The following CDH23 variants were observed in gnomAD, a reference collection of about 807,000 sequenced individuals.
CDH23 encodes cadherin related 23, also known as cadherin-23.
Under a neutral mutation model 317.1 loss-of-function variants are expected in CDH23, and 189 were observed. That is an observed-to-expected ratio of 0.60 (90% confidence interval 0.53 to 0.67). The LOEUF (loss-of-function observed/expected upper bound fraction) is 0.67, where lower values mean the gene tolerates loss of function less well. Ranked by LOEUF, CDH23 falls within the 30% of genes least tolerant of loss-of-function variation. CDH23 has a pLI of 0.00. For missense variants in CDH23, 4,401 were observed against 4,592.4 expected (o/e 0.96, Z 1.20); for synonymous variants, 1,839 against 1,876.8 (o/e 0.98, Z 0.52).
At chr10:71,650,705 T>G (rs929697278) in intron 14 of CDH23, among the ~76,000 whole-genome samples, 8 of 152,226 alleles carry the variant, frequency 5.3e-5, no homozygotes, top group African/African-American at 1.9e-4. Flanking sequence ...CTCCCCATCC[T>G]CTAGGCTGTG....
chr10:71,452,501 G>T (rs184266845), intron 3 of CDH23, among the ~76,000 whole-genome samples: 51 of 152,142 alleles, frequency 3.4e-4, no homozygotes, highest in Admixed American at 1.2e-3. Context: ...CTTGGCCAGG[G>T]GTGCCCTTTC....
At chr10:71,419,685 C>T (rs1423466798) in intron 1 of CDH23, among the ~76,000 whole-genome samples, 1 of 152,200 alleles carries the variant, frequency 6.6e-6, no homozygotes, top group Non-Finnish European at 1.5e-5. Flanking sequence ...CTATTCACTT[C>T]CCATCCTTCC....
chr10:71,734,730 C>CAG, intron 34 of CDH23, 72 bp downstream of exon 34: 1 of 997,850 alleles, frequency 1.0e-6, no homozygotes, highest in Non-Finnish European at 1.5e-6. Flanking sequence ...TCTGCCTGGC[C>CAG]CTGGACCTTC....
intron 19 of CDH23, among the ~76,000 whole-genome samples, chr10:71,689,178 A>AGCCAGAGATGGTGGAGCCAGGGGTGGTG (rs1564734231): frequency 3.3e-5 from 1 of 30,546 alleles, no homozygotes; most frequent in Non-Finnish European, 6.5e-5. Flanking sequence ...CAGGGGTGGT[A>AGCCAGAGATGGTGGAGCCAGGGGTGGTG]GAGTCAGGGG....
Position 71,799,558 on chromosome 10 carries a change from T to G in CDH23, c.7291T>G (p.Ser2431Ala). The G allele has an allele frequency of 6.2e-7, 1 of 1,614,072 alleles. No individual in the cohort carries two copies. Among genetic ancestry groups the G allele is most frequent in the Non-Finnish European group, 8.5e-7 (1 of 1,179,902 alleles). The part of the protein sequence containing the change: ...ILTVTATDAD[S>A]GNFALIEYSL... ...GACAGTCACTGCCACTGATGCTGAC[T>G]CAGGCAACTTTGCACTCATTGAGTA... The change falls in exon 52 of 70, where the codon TCA becomes GCA. Residue 2431 changes from serine to alanine, a missense_variant. Coordinates refer to ENST00000224721, the MANE Select transcript of CDH23 (RefSeq NM_022124.6).
At chr10:71,659,789 A>G (rs1462106567) in intron 14 of CDH23, among the ~76,000 whole-genome samples, 1 of 152,180 alleles carries the variant, frequency 6.6e-6, no homozygotes, top group Non-Finnish European at 1.5e-5. Context: ...CCTCTCTAGA[A>G]GGAGCCTTCT....
In CDH23 at chr10:71,800,578, T is replaced by G. The variant is rs1841530076; in HGVS notation, c.7363-58T>G. The G allele has an allele frequency of 2.6e-6, 4 of 1,567,354 alleles. No individual in the cohort carries two copies. In the East Asian group the frequency reaches 9.3e-5, roughly 36 times the overall value. Reference sequence around the variant, plus strand: ...CATAACAGCATCTGGCCATAGTAGGTGCTCAATAAATATCTTTTGAATGAT... The same window carrying G: ...CATAACAGCATCTGGCCATAGTAGGGGCTCAATAAATATCTTTTGAATGAT... On this transcript the variant is annotated intron_variant, in intron 52 of 69. Transcript: ENST00000224721.
chr10:71,811,558 C>G lies in CDH23; in HGVS notation c.9246C>G (p.Leu3082=), dbSNP rs777481920. 2 of 1,614,020 alleles carry G rather than the reference C, an allele frequency of 1.2e-6. No homozygotes were observed. Among genetic ancestry groups the G allele is most frequent in the East Asian group, 2.2e-5 (1 of 44,872 alleles). Residue 3082 remains leucine, a synonymous_variant, in exon 64 of 70, where the codon CTC becomes CTG. Coordinates refer to ENST00000224721, the MANE Select transcript of CDH23 (RefSeq NM_022124.6). The stretch of plus-strand genomic sequence containing the variant: ...TCCTCCTGTTCCTGGCCGCCATGCT[C>G]TTTGTCCTCATGAACTGGTACTACA... The part of the protein sequence containing the change: ...LAILLFLAAM[L]FVLMNWYYRT...
At chr10:71,595,547 G>A (rs1859783094) in intron 9 of CDH23, among the ~76,000 whole-genome samples, 1 of 152,304 alleles carries the variant, frequency 6.6e-6, no homozygotes, top group East Asian at 1.9e-4. Flanking sequence ...GGGTTCACAA[G>A]TATTTGTCTC....
intron 8 of CDH23, among the ~76,000 whole-genome samples, chr10:71,576,246 A>T (rs1005319214): frequency 2.0e-5 from 3 of 152,194 alleles, no homozygotes; most frequent in Non-Finnish European, 2.9e-5. Flanking sequence ...TGTCTGGGAC[A>T]TGCAATTGCC....
rs1008968898 is a variant in CDH23 at position 71,802,815 on chromosome 10, C to G, written c.7483-83C>G. On this transcript the variant is annotated intron_variant, in intron 53 of 69. Coordinates refer to ENST00000224721, the MANE Select transcript of CDH23 (RefSeq NM_022124.6). ...AGGCTGGTGCCTGTCCTTCCTCTAT[C>G]CAGGCTTACTCCTGCATGACCAGGT... 20 of 1,444,794 alleles carry G rather than the reference C, an allele frequency of 1.4e-5. No homozygotes were observed. In the South Asian group the frequency reaches 2.4e-4, roughly 17 times the overall value. The allele number at this position is 1,444,794 out of a possible 1,614,324, so 89.5% of individuals were successfully genotyped here.
chr10:71,793,015 A>G (rs550073677), intron 47 of CDH23, among the ~76,000 whole-genome samples, 167 bp from the exon 48 acceptor site: 20 of 152,070 alleles, frequency 1.3e-4, no homozygotes, highest in African/African-American at 4.8e-4. Flanking sequence ...AAATAAAATA[A>G]CATGCCATTT....
At chr10:71,739,536 C>T (rs760786059) in intron 35 of CDH23, 108 bp from the exon 36 acceptor site, 29 of 1,394,450 alleles carry the variant, frequency 2.1e-5, no homozygotes, top group Non-Finnish European at 2.8e-5. Flanking sequence ...AGCCCTTGCT[C>T]AACAGAGGGC....
chr10:71,736,435 G>T (rs1839568016), intron 34 of CDH23, among the ~76,000 whole-genome samples: 1 of 152,224 alleles, frequency 6.6e-6, no homozygotes, highest in Non-Finnish European at 1.5e-5. Flanking sequence ...GGCCCCAGAA[G>T]GAGTGGTCAG....
In CDH23 at chr10:71,702,736, C is replaced by T. The variant is rs375555036; in HGVS notation, c.2733+42C>T. ...TCATTCCTACCAGCCCAGAGGTGGGCAGTGGGTGCCTGAGGAGCCTAGCCC... is the reference window on the plus strand; with the variant it reads ...TCATTCCTACCAGCCCAGAGGTGGGTAGTGGGTGCCTGAGGAGCCTAGCCC... On this transcript the variant is annotated intron_variant, in intron 24 of 69. Transcript: ENST00000224721. The T allele has an allele frequency of 2.1e-4, 346 of 1,611,294 alleles. 2 individuals carry two copies. In the African/African-American group the frequency reaches 4.1e-3, roughly 19 times the overall value.
chr10:71,496,276 A>T (rs530988521), intron 3 of CDH23, among the ~76,000 whole-genome samples: 8 of 152,348 alleles, frequency 5.3e-5, no homozygotes, highest in African/African-American at 1.9e-4. Flanking sequence ...ATTAATTAAC[A>T]TCTTTTTAAT....
intron 15 of CDH23, 49 bp downstream of exon 15, chr10:71,675,225 C>A (rs948198152): frequency 1.3e-6 from 2 of 1,509,644 alleles, no homozygotes; most frequent in African/African-American, 2.7e-5. Context: ...TGGTCCTTGG[C>A]CCTCCCCAGA....
At chr10:71,662,361 A>G (rs1322117665) in intron 14 of CDH23, among the ~76,000 whole-genome samples, 6 of 152,112 alleles carry the variant, frequency 3.9e-5, no homozygotes, top group Non-Finnish European at 1.5e-5. Flanking sequence ...TCCCTGGAGC[A>G]TAGGCAGTGA....
intron 14 of CDH23, among the ~76,000 whole-genome samples, chr10:71,653,049 T>A (rs1349857921): frequency 7.4e-6 from 1 of 134,424 alleles, no homozygotes; most frequent in Admixed American, 7.4e-5. Context: ...GCCCTACCCC[T>A]CCTCTCTCAG....
Sources: allele counts gnomAD v4.1 joint callset (sites outside exome capture counted in the v4.1 genomes callset), GRCh38; gene constraint gnomAD v4.1.1; transcripts MANE v1.5; gene names NCBI Gene and HGNC (gene_info 2026-07-23, HGNC 2026-07-21).